The following EHBP1 variants were observed in gnomAD, a reference collection of about 807,000 sequenced individuals.
The protein encoded by EHBP1 is EH domain binding protein 1.
Under a neutral mutation model 144.0 loss-of-function variants are expected in EHBP1, and 55 were observed. The ratio of observed to expected loss-of-function variants is 0.38; its 90% CI spans 0.31 to 0.48. The LOEUF (loss-of-function observed/expected upper bound fraction) is 0.48. Ranked by LOEUF, EHBP1 falls within the 20% of genes least tolerant of loss-of-function variation. The pLI, the probability that EHBP1 is intolerant of heterozygous loss-of-function variation, is 0.98. For synonymous variants in EHBP1, 469 were observed against 472.7 expected, an observed-to-expected ratio of 0.99 and a Z score of 0.10; for missense variants, 1,200 against 1,364.2, an observed-to-expected ratio of 0.88 and a Z score of 1.90.
At chr2:62,951,516 TTTTC>T (rs1316411508) in intron 13 of EHBP1, among the ~76,000 whole-genome samples, 2 of 143,114 alleles carry the variant, frequency 1.4e-5, no homozygotes, top group Non-Finnish European at 3.0e-5. Context: ...CAATACAAAT[TTTTC>T]TTTTTTTTTT....
intron 10 of EHBP1, among the ~76,000 whole-genome samples, chr2:62,925,015 C>T (rs146290168): frequency 4.2e-4 from 64 of 152,214 alleles, no homozygotes; most frequent in African/African-American, 1.5e-3. Context: ...TCCACCATGA[C>T]CAAGTGGAAT....
intron 19 of EHBP1, among the ~76,000 whole-genome samples, chr2:63,000,302 G>T (rs1395373235): frequency 6.6e-6 from 1 of 152,144 alleles, no homozygotes; most frequent in African/African-American, 2.4e-5. Flanking sequence ...TATATGTCTG[G>T]TTCCTTCTAA....
intron 10 of EHBP1, among the ~76,000 whole-genome samples, chr2:62,937,909 C>G (rs1235208063): frequency 1.3e-5 from 2 of 152,056 alleles, no homozygotes; most frequent in African/African-American, 4.8e-5. Context: ...GAGAACGATG[C>G]TATGACATGG....
chr2:62,985,120 G>A (rs775699446), intron 15 of EHBP1, among the ~76,000 whole-genome samples: 8 of 151,862 alleles, frequency 5.3e-5, no homozygotes, highest in African/African-American at 7.3e-5. Flanking sequence ...TTCATCCTAG[G>A]TTAGGCTCTC....
chr2:62,874,594 A>G, intron 10 of EHBP1, 62 bp downstream of exon 10: 1 of 1,394,836 alleles, frequency 7.2e-7, no homozygotes, highest in Non-Finnish European at 9.7e-7. Flanking sequence ...CGTGCCATTT[A>G]ATTTAAATTA....
At chr2:63,026,338 G>GTGTGTC (rs1574525570) in intron 19 of EHBP1, among the ~76,000 whole-genome samples, 1 of 148,624 alleles carries the variant, frequency 6.7e-6, no homozygotes, top group Non-Finnish European at 1.5e-5. Flanking sequence ...GTGTGTGTGT[G>GTGTGTC]TGTGTGTCTG....
chr2:62,910,901 T>A (rs2152976113), intron 10 of EHBP1, among the ~76,000 whole-genome samples: 1 of 152,330 alleles, frequency 6.6e-6, no homozygotes, highest in Non-Finnish European at 1.5e-5. Context: ...AATCCAGCTC[T>A]TCTTTTGTTT....
At chr2:62,840,376 C>T (rs1573640401) in intron 7 of EHBP1, among the ~76,000 whole-genome samples, 1 of 128,736 alleles carries the variant, frequency 7.8e-6, no homozygotes, top group Non-Finnish European at 1.7e-5. Flanking sequence ...GACCTAAAAC[C>T]ATAAAAACCC....
At chr2:62,830,167 C>G (rs1444025316) in intron 6 of EHBP1, among the ~76,000 whole-genome samples, 2 of 95,584 alleles carry the variant, frequency 2.1e-5, no homozygotes, top group Non-Finnish European at 4.3e-5. Flanking sequence ...CACACACACA[C>G]ACACACACAC....
In EHBP1 at chr2:63,046,063, G is replaced by C. The variant is rs1020027993; in HGVS notation, c.*563G>C. 1 of 153,274 alleles carries C rather than the reference G, an allele frequency of 6.5e-6. No homozygotes were observed. The highest frequency in any genetic ancestry group is 6.5e-5 in the Admixed American group (1 of 15,346). The allele number at this position is 153,274 out of a possible 1,614,324, so 9.5% of individuals were successfully genotyped here. ...AGTGGAGTTTTTCTGCAGTGGTTGCGTTTCACTGTAAGGATAATGGAGTTC... is the reference window on the plus strand; with the variant it reads ...AGTGGAGTTTTTCTGCAGTGGTTGCCTTTCACTGTAAGGATAATGGAGTTC... On this transcript the variant is annotated 3_prime_UTR_variant, in exon 23 of 23. Coordinates refer to ENST00000431489, the MANE Select transcript of EHBP1 (RefSeq NM_001142616.3).
chr2:63,032,790 T>C (rs2061315041), intron 19 of EHBP1, among the ~76,000 whole-genome samples: 1 of 152,044 alleles, frequency 6.6e-6, no homozygotes, highest in Admixed American at 6.6e-5. Context: ...CTACCTCACA[T>C]CTCTCCCCAC....
intron 2 of EHBP1, among the ~76,000 whole-genome samples, chr2:62,744,937 G>A (rs1443993534): frequency 6.6e-6 from 1 of 152,056 alleles, no homozygotes; most frequent in African/African-American, 2.4e-5. Context: ...TTAAAAAACT[G>A]CACACCAGAC....
At chr2:62,876,511 G>A (rs1208748118) in intron 10 of EHBP1, among the ~76,000 whole-genome samples, 2 of 152,134 alleles carry the variant, frequency 1.3e-5, no homozygotes, top group Non-Finnish European at 2.9e-5. Context: ...GATAATTATT[G>A]GCCACCACAA....
intron 10 of EHBP1, among the ~76,000 whole-genome samples, chr2:62,904,378 ATC>A (rs1389763124): frequency 2.6e-5 from 4 of 152,104 alleles, no homozygotes; most frequent in Non-Finnish European, 5.9e-5. Flanking sequence ...TAGGCCTTTT[ATC>A]TAGAATAACA....
intron 13 of EHBP1, among the ~76,000 whole-genome samples, chr2:62,952,778 C>A (rs1259149414): frequency 6.6e-6 from 1 of 152,060 alleles, no homozygotes; most frequent in East Asian, 1.9e-4. Context: ...CTTTATTTAC[C>A]ATAATAGCAT....
chr2:62,780,319 C>G (rs1300711040), intron 5 of EHBP1, among the ~76,000 whole-genome samples: 2 of 152,042 alleles, frequency 1.3e-5, no homozygotes, highest in Non-Finnish European at 2.9e-5. Context: ...ATTATCCTGT[C>G]AACTTTCTGT....
chr2:62,674,364 C>G (rs1401382218), intron 1 of EHBP1, among the ~76,000 whole-genome samples: 1 of 152,208 alleles, frequency 6.6e-6, no homozygotes, highest in Non-Finnish European at 1.5e-5. Context: ...AGAGCTCCCA[C>G]TAAAAACATG....
intron 5 of EHBP1, among the ~76,000 whole-genome samples, chr2:62,810,172 G>C (rs1440088481): frequency 6.6e-6 from 1 of 152,184 alleles, no homozygotes; most frequent in African/African-American, 2.4e-5. Context: ...AAAGTTTTAA[G>C]GGATTCTTTT....
intron 5 of EHBP1, among the ~76,000 whole-genome samples, chr2:62,779,809 TTTTTTGGTTA>T (rs1358354717): frequency 6.6e-6 from 1 of 152,198 alleles, no homozygotes; most frequent in Non-Finnish European, 1.5e-5. Flanking sequence ...TCAACTTAAC[TTTTTTGGTTA>T]TTTTTCAAAT....
Sources: gnomAD v4.1 joint callset for allele counts (sites outside exome capture counted in the v4.1 genomes callset) on GRCh38, gnomAD v4.1.1 for gene constraint, MANE v1.5 for transcripts, NCBI Gene and HGNC (gene_info 2026-07-23, HGNC 2026-07-21) for gene names.